The following SLC14A2 variants were observed in gnomAD, a reference collection of about 807,000 sequenced individuals.
SLC14A2 encodes solute carrier family 14 member 2.
Under a neutral mutation model 104.6 loss-of-function variants are expected in SLC14A2, and 91 were observed. The observed-to-expected ratio is 0.87, with a 90% CI of 0.73 to 1.04. The LOEUF is 1.04. Among genes scored for constraint, SLC14A2 ranks in the 50% least tolerant of loss-of-function variants. The pLI, the probability that SLC14A2 is intolerant of heterozygous loss-of-function variation, is 0.00. For missense variants in SLC14A2, 1,189 were observed against 1,156.0 expected, an observed-to-expected ratio of 1.03 and a Z score of -0.41; for synonymous variants, 476 against 466.4, an observed-to-expected ratio of 1.02 and a Z score of -0.27.
intron 10 of SLC14A2, among the ~76,000 whole-genome samples, chr18:45,652,176 A>G (rs1020216341): frequency 1.3e-5 from 2 of 152,272 alleles, no homozygotes; most frequent in Non-Finnish European, 2.9e-5. Context: ...TGGCAGTTTC[A>G]GTATGGGCAT....
intron 2 of SLC14A2, among the ~76,000 whole-genome samples, chr18:45,548,277 T>C (rs2044004261): frequency 1.3e-5 from 2 of 152,244 alleles, no homozygotes; most frequent in South Asian, 4.1e-4. Flanking sequence ...AAAGACACTT[T>C]GTGGCATCAG....
At chr18:45,591,337 T>C (rs2044643612) in intron 2 of SLC14A2, among the ~76,000 whole-genome samples, 1 of 152,000 alleles carries the variant, frequency 6.6e-6, no homozygotes, top group Non-Finnish European at 1.5e-5. Context: ...ATATTTCTTG[T>C]TTTGTTTTGT....
At chr18:45,428,271 T>C (rs1163041329) in intron 1 of SLC14A2, among the ~76,000 whole-genome samples, 1 of 152,226 alleles carries the variant, frequency 6.6e-6, no homozygotes, top group South Asian at 2.1e-4. Context: ...AGGGATAGCA[T>C]ATATTTTAGC....
chr18:45,295,902 C>T (rs1286458171), intron 1 of SLC14A2, among the ~76,000 whole-genome samples: 1 of 152,066 alleles, frequency 6.6e-6, no homozygotes, highest in Admixed American at 6.6e-5. Flanking sequence ...GGAATGATAA[C>T]TAATACTGAC....
At chr18:45,485,589 T>A (rs2087587452) in intron 2 of SLC14A2, among the ~76,000 whole-genome samples, 1 of 152,202 alleles carries the variant, frequency 6.6e-6, no homozygotes, top group Non-Finnish European at 1.5e-5. Context: ...CAGTTTGGTA[T>A]GTTTGGAAAC....
intron 1 of SLC14A2, 124 bp downstream of exon 1, chr18:45,615,706 T>C (rs1240764950): frequency 6.6e-6 from 1 of 152,130 alleles, no homozygotes; most frequent in Non-Finnish European, 1.5e-5. Context: ...CCAGGTATTC[T>C]GTCTCCACTG....
chr18:45,274,368 T>C (rs1287105578), intron 1 of SLC14A2, among the ~76,000 whole-genome samples: 1 of 152,246 alleles, frequency 6.6e-6, no homozygotes, highest in Non-Finnish European at 1.5e-5. Context: ...AGGGTTTTTT[T>C]CTTCTACTTT....
At chr18:45,643,796 C>G (rs2045573537) in intron 9 of SLC14A2, among the ~76,000 whole-genome samples, 190 bp from the exon 10 acceptor site, 1 of 152,208 alleles carries the variant, frequency 6.6e-6, no homozygotes, top group East Asian at 1.9e-4. Context: ...GTATTACAGG[C>G]ATGAGCCACT....
At chr18:45,315,589 C>G (rs572763762) in intron 1 of SLC14A2, among the ~76,000 whole-genome samples, 43 of 152,206 alleles carry the variant, frequency 2.8e-4, no homozygotes, top group African/African-American at 9.4e-4. Context: ...TATGTTGTGT[C>G]TCAGAACCAT....
At chr18:45,669,261 AC>A in intron 15 of SLC14A2, 44 bp from the exon 16 acceptor site, 1 of 1,529,864 alleles carries the variant, frequency 6.5e-7, no homozygotes, top group South Asian at 1.2e-5. Flanking sequence ...TAGTGTTATG[AC>A]CAGGCGGCTT....
intron 10 of SLC14A2, among the ~76,000 whole-genome samples, chr18:45,652,062 G>T (rs1321693842): frequency 6.6e-6 from 1 of 152,204 alleles, no homozygotes; most frequent in African/African-American, 2.4e-5. Flanking sequence ...AAACATCGTG[G>T]AACATTTGTT....
intron 1 of SLC14A2, among the ~76,000 whole-genome samples, chr18:45,471,882 GT>G (rs34725885): frequency 9.2e-5 from 14 of 151,408 alleles, no homozygotes; most frequent in Admixed American, 2.0e-4. Flanking sequence ...GTCTATAATA[GT>G]TTTTTTTATT....
chr18:45,235,979 GTA>G (rs1303487247), intron 1 of SLC14A2, among the ~76,000 whole-genome samples: 38 of 72,850 alleles, frequency 5.2e-4, no homozygotes, highest in African/African-American at 9.7e-4. Flanking sequence ...ATATATGTGT[GTA>G]TATATGTGTA....
chr18:45,465,930 T>A (rs2087133702), intron 1 of SLC14A2, among the ~76,000 whole-genome samples: 1 of 151,996 alleles, frequency 6.6e-6, no homozygotes, highest in African/African-American at 2.4e-5. Context: ...TCCTCCTGAC[T>A]TCCTAGGTAG....
At chr18:45,675,959 G>GC (rs1221264537) in intron 18 of SLC14A2, among the ~76,000 whole-genome samples, 1 of 151,740 alleles carries the variant, frequency 6.6e-6, no homozygotes, top group Non-Finnish European at 1.5e-5. Context: ...AGACAGAACA[G>GC]CCCCACTGGA....
At chr18:45,385,835 T>A (rs948551300) in intron 1 of SLC14A2, among the ~76,000 whole-genome samples, 1 of 152,082 alleles carries the variant, frequency 6.6e-6, no homozygotes, top group Non-Finnish European at 1.5e-5. Flanking sequence ...AGGGGTTATA[T>A]AGAAAAGTAA....
At chr18:45,417,008 A>T (rs2086284946) in intron 1 of SLC14A2, among the ~76,000 whole-genome samples, 1 of 152,202 alleles carries the variant, frequency 6.6e-6, no homozygotes, top group East Asian at 1.9e-4. Context: ...ACATCCACAC[A>T]AATCCGCAAG....
chr18:45,202,814 T>C, the SLC14A2 span, among the ~76,000 whole-genome samples: 1 of 151,966 alleles, frequency 6.6e-6, no homozygotes, highest in Non-Finnish European at 1.5e-5. Flanking sequence ...TCAAATGGAG[T>C]TTTCCACCTG....
intron 1 of SLC14A2, among the ~76,000 whole-genome samples, chr18:45,443,111 TC>T (rs1160798561): frequency 1.3e-5 from 2 of 152,310 alleles, no homozygotes; most frequent in East Asian, 3.9e-4. Context: ...ATTAACAGTT[TC>T]CCCAGTATAT....
Sources: gnomAD v4.1 joint callset for allele counts (sites outside exome capture counted in the v4.1 genomes callset) on GRCh38, gnomAD v4.1.1 for gene constraint, MANE v1.5 for transcripts, NCBI Gene and HGNC (gene_info 2026-07-23, HGNC 2026-07-21) for gene names.